TANC1: variants seen among roughly 807,000 people sequenced by gnomAD.
TANC1 encodes the protein tetratricopeptide repeat, ankyrin repeat and coiled-coil containing 1, also known as protein TANC1.
A neutral mutation model predicts 149.7 loss-of-function variants in TANC1; 77 were observed. That is an observed-to-expected ratio of 0.51 (90% CI 0.43 to 0.62). TANC1 has a LOEUF of 0.62. Ranked by LOEUF, TANC1 falls within the 20% of genes least tolerant of loss-of-function variation. TANC1 has a pLI of 0.00. For missense variants in TANC1, 1,985 were observed against 2,321.8 expected (o/e 0.85, Z 2.98); for synonymous variants, 854 against 925.0 (o/e 0.92, Z 1.39).
chr2:159,159,713 T>TGA (rs1429082453), intron 7 of TANC1, among the ~76,000 whole-genome samples: 196 of 65,596 alleles, frequency 3.0e-3, no homozygotes, highest in Admixed American at 0.014. Context: ...TGTGTGTGTG[T>TGA]GTGTGAGAGA....
intron 2 of TANC1, among the ~76,000 whole-genome samples, chr2:159,055,810 C>G (rs975176743): frequency 1.3e-5 from 2 of 152,230 alleles, no homozygotes; most frequent in Non-Finnish European, 2.9e-5. Context: ...CCTGCATTCT[C>G]TGGACCATCC....
rs1000492606 is a variant in TANC1, at chr2:159,073,798, A to G, written c.61+7827A>G. Among the ~76,000 whole-genome samples the G allele has an allele frequency of 4.6e-5, 7 of 152,304 alleles. No homozygotes were observed. In the South Asian group the frequency reaches 1.2e-3, roughly 27 times the overall value. On this transcript the variant is annotated intron_variant, in intron 3 of 26. Transcript: ENST00000263635. The stretch of plus-strand genomic sequence containing the variant: ...CCTAGAAGGGGAATTCTAAGGTTTT[A>G]TTTCTATCCTACAGGAATGTAAAAA...
chr2:158,987,281 T>C (rs972768591), intron 1 of TANC1, among the ~76,000 whole-genome samples: 73 of 149,016 alleles, frequency 4.9e-4, no homozygotes, highest in Non-Finnish European at 9.2e-4. Context: ...ATCCCAGCAG[T>C]TTGGGAGGCT....
chr2:159,151,336 G>A (rs1276023383), intron 7 of TANC1, among the ~76,000 whole-genome samples: 5 of 152,234 alleles, frequency 3.3e-5, no homozygotes, highest in Non-Finnish European at 2.9e-5. Flanking sequence ...GTGTCTGTGT[G>A]ACTCAGGTCT....
chr2:159,019,608 G>T (rs1559138641), intron 2 of TANC1, among the ~76,000 whole-genome samples: 2 of 148,432 alleles, frequency 1.3e-5, no homozygotes, highest in Admixed American at 6.7e-5. Context: ...TGGAGGCAGG[G>T]TCTTGATGAT....
chr2:159,194,624 G>C (rs2057714835), intron 17 of TANC1, 131 bp downstream of exon 17: 1 of 801,054 alleles, frequency 1.2e-6, no homozygotes, highest in Middle Eastern at 3.4e-4. Flanking sequence ...TCGGGCTCCA[G>C]GGATTGGTCA....
At chr2:159,095,896 C>G (rs146065756) in intron 3 of TANC1, among the ~76,000 whole-genome samples, 446 of 152,100 alleles carry the variant, frequency 2.9e-3, no homozygotes, top group Non-Finnish European at 4.5e-3. Flanking sequence ...GGTTTGTATC[C>G]CCTTTGAGCC....
intron 4 of TANC1, among the ~76,000 whole-genome samples, chr2:159,109,309 T>G (rs901401159): frequency 2.0e-5 from 3 of 152,192 alleles, no homozygotes; most frequent in Non-Finnish European, 4.4e-5. Flanking sequence ...TTTCTTCCTC[T>G]GAAACATGGG....
intron 19 of TANC1, among the ~76,000 whole-genome samples, chr2:159,216,519 A>G (rs2059357489): frequency 6.6e-6 from 1 of 152,070 alleles, no homozygotes; most frequent in African/African-American, 2.4e-5. Context: ...CCTCCTCTCT[A>G]GACAATGATT....
intron 4 of TANC1, among the ~76,000 whole-genome samples, chr2:159,112,133 T>C: frequency 6.6e-6 from 1 of 152,226 alleles, no homozygotes; most frequent in South Asian, 2.1e-4. Flanking sequence ...AGAGCAGATA[T>C]GTGCACTCAG....
In TANC1 at chr2:159,227,935, C is replaced by T; in HGVS notation, c.4020C>T (p.Leu1340=). Residue 1340 remains leucine, a synonymous_variant, in exon 25 of 27, where the codon CTC becomes CTT. Coordinates refer to ENST00000263635, the MANE Select transcript of TANC1 (RefSeq NM_033394.3). ...ATGAATTAAGGGTTTCCCTCTATCT[C>T]AATTTGTCGCGATGCCGAAGAAAAA... ...PFNELRVSLY[L]NLSRCRRKTN... is the part of the protein sequence containing the mutation. The T allele has an allele frequency of 1.2e-6, 2 of 1,613,318 alleles. No individual in the cohort carries two copies. Among genetic ancestry groups the T allele is most frequent in the Non-Finnish European group, 1.7e-6 (2 of 1,179,778 alleles).
At chr2:159,081,328 G>A (rs186048103) in intron 3 of TANC1, among the ~76,000 whole-genome samples, 1 of 152,150 alleles carries the variant, frequency 6.6e-6, no homozygotes, top group African/African-American at 2.4e-5. Context: ...GAAGGGTACA[G>A]AGATAGTCTA....
At chr2:159,178,127 C>A (rs1432163688) in intron 13 of TANC1, among the ~76,000 whole-genome samples, 1 of 152,260 alleles carries the variant, frequency 6.6e-6, no homozygotes, top group Non-Finnish European at 1.5e-5. Context: ...AGAAGGATGT[C>A]TTTTATCTTG....
intron 2 of TANC1, among the ~76,000 whole-genome samples, chr2:159,062,973 C>CAAAGAAAAAAAAAAA (rs2042358553): frequency 2.4e-5 from 1 of 41,216 alleles, no homozygotes; most frequent in Non-Finnish European, 5.4e-5. Flanking sequence ...GACTCCGTCT[C>CAAAGAAAAAAAAAAA]AAAAAAAAAA....
intron 1 of TANC1, among the ~76,000 whole-genome samples, chr2:158,989,542 C>G (rs917903740): frequency 6.7e-6 from 1 of 148,368 alleles, no homozygotes; most frequent in East Asian, 2.0e-4. Flanking sequence ...CCTGCAAGAT[C>G]GAGGCTGCAC....
rs1318385600 is a variant in TANC1 at position 159,230,352 on chromosome 2, T to C, written c.4926T>C (p.Pro1642=). 1 of 1,613,834 alleles carries C rather than the reference T, an allele frequency of 6.2e-7. No homozygotes were observed. The highest frequency in any genetic ancestry group is 8.5e-7 in the Non-Finnish European group (1 of 1,180,018). Residue 1642 remains proline (P), a synonymous_variant, in exon 27 of 27, where the codon CCT becomes CCC. Transcript: ENST00000263635. The surrounding 1 kb of genome is among the most constrained non-coding windows in gnomAD (Gnocchi z 4.4). The part of the protein sequence containing the change: ...SHSSVAVDAA[P]PNQGGLATCS... Reference sequence around the variant, plus strand: ...CCTCCGTGGCTGTGGACGCAGCCCCTCCAAACCAAGGTGGGCTGGCGACCT... The same window carrying C: ...CCTCCGTGGCTGTGGACGCAGCCCCCCCAAACCAAGGTGGGCTGGCGACCT...
At chr2:159,176,201 T>C (rs2055840792) in intron 12 of TANC1, 151 bp from the exon 13 acceptor site, 1 of 491,492 alleles carries the variant, frequency 2.0e-6, no homozygotes, top group Admixed American at 4.2e-5. Context: ...ATAAATTTAA[T>C]AGAAAATATG....
chr2:159,130,888 G>C (rs1052471848), intron 4 of TANC1, among the ~76,000 whole-genome samples: 1 of 152,068 alleles, frequency 6.6e-6, no homozygotes, highest in Non-Finnish European at 1.5e-5. Context: ...GTCTTTCAGG[G>C]TAGGTCTTTC....
At chr2:159,191,123 G>A (rs1205882249) in intron 16 of TANC1, among the ~76,000 whole-genome samples, 1 of 152,178 alleles carries the variant, frequency 6.6e-6, no homozygotes, top group Non-Finnish European at 1.5e-5. Flanking sequence ...CTAGACAGTG[G>A]TCTCTCTGAT....
Sources: gnomAD v4.1 joint callset for allele counts (sites outside exome capture counted in the v4.1 genomes callset) on GRCh38, gnomAD v4.1.1 for gene constraint, Gnocchi (gnomAD v3.1) non-coding constraint, MANE v1.5 for transcripts, NCBI Gene and HGNC (gene_info 2026-07-23, HGNC 2026-07-21) for gene names.